The following DOCK8 variants were observed in gnomAD, a reference collection of about 807,000 sequenced individuals.
The protein encoded by DOCK8 is dedicator of cytokinesis protein 8.
Under a neutral mutation model 245.6 loss-of-function variants are expected in DOCK8, and 141 were observed. The observed-to-expected ratio is 0.57, with a 90% confidence interval of 0.50 to 0.66. The LOEUF is 0.66. DOCK8 is among the 30% of genes least tolerant of loss of function. The probability of loss-of-function intolerance (pLI) is 0.00; values close to 1 mark genes in which losing one functional copy is unlikely to be tolerated. For missense variants in DOCK8, 2,965 were observed against 2,603.4 expected, an observed-to-expected ratio of 1.14 and a Z score of -3.02; for synonymous variants, 1,168 against 970.2, an observed-to-expected ratio of 1.20 and a Z score of -3.79.
intron 4 of DOCK8, among the ~76,000 whole-genome samples, chr9:300,811 C>A (rs1221059805): frequency 6.6e-6 from 1 of 152,138 alleles, no homozygotes; most frequent in Non-Finnish European, 1.5e-5. Context: ...AAATTGAAAT[C>A]TTGAACAGAC....
intron 26 of DOCK8, among the ~76,000 whole-genome samples, chr9:403,980 A>ATATATATATGTG (rs2055291642): frequency 6.4e-5 from 5 of 78,124 alleles, no homozygotes; most frequent in South Asian, 4.0e-4. Flanking sequence ...ATATATGTGT[A>ATATATATATGTG]TATATATATA....
intron 28 of DOCK8, among the ~76,000 whole-genome samples, chr9:408,956 A>C (rs768711503): frequency 5.3e-5 from 8 of 152,054 alleles, no homozygotes; most frequent in African/African-American, 2.4e-5. Context: ...TAACAGTGTA[A>C]CTCCTTTGGC....
chr9:404,447 A>G (rs1379162327), intron 26 of DOCK8, among the ~76,000 whole-genome samples: 2 of 152,142 alleles, frequency 1.3e-5, no homozygotes, highest in African/African-American at 4.8e-5. Context: ...TGGTTCTACA[A>G]CTTTCCAATG....
At chr9:346,038 T>C (rs914867669) in intron 14 of DOCK8, among the ~76,000 whole-genome samples, 1 of 151,906 alleles carries the variant, frequency 6.6e-6, no homozygotes, top group African/African-American at 2.4e-5. Flanking sequence ...TGCAGTGCCA[T>C]GTGCAGCCTC....
intron 6 of DOCK8, among the ~76,000 whole-genome samples, chr9:313,496 A>G (rs1245252102): frequency 6.6e-6 from 1 of 152,198 alleles, no homozygotes; most frequent in Non-Finnish European, 1.5e-5. Context: ...GCAGCCTCAA[A>G]TGGTCTTCTG....
intron 1 of DOCK8, among the ~76,000 whole-genome samples, chr9:239,532 A>G (rs1459241815): frequency 6.6e-6 from 1 of 152,228 alleles, no homozygotes; most frequent in South Asian, 2.1e-4. Context: ...AGAAGAAGCA[A>G]TTGATCCTGA....
intron 1 of DOCK8, among the ~76,000 whole-genome samples, chr9:223,337 G>T (rs1049026676): frequency 1.3e-5 from 2 of 152,146 alleles, no homozygotes; most frequent in African/African-American, 4.8e-5. Context: ...CAGCCATTGA[G>T]GATTATTGTG....
intron 28 of DOCK8, among the ~76,000 whole-genome samples, chr9:413,336 C>G (rs957167931): frequency 2.0e-5 from 3 of 152,026 alleles, no homozygotes; most frequent in African/African-American, 7.2e-5. Context: ...TCATCATAGA[C>G]TTAGAAAAGG....
At chr9:275,143 A>G (rs2048292814) in intron 2 of DOCK8, among the ~76,000 whole-genome samples, 1 of 152,226 alleles carries the variant, frequency 6.6e-6, no homozygotes, top group Admixed American at 6.5e-5. Context: ...TGGCATAATA[A>G]TGCTGTCCCT....
At chr9:272,106 G>C (rs1047812516) in intron 2 of DOCK8, among the ~76,000 whole-genome samples, 6 of 152,258 alleles carry the variant, frequency 3.9e-5, no homozygotes, top group Middle Eastern at 3.4e-3. Context: ...CCAAGTTACA[G>C]ACCTCCTTTT....
rs767245399 is a variant in DOCK8 at position 463,548 on chromosome 9, C to A, written c.6100C>A (p.Leu2034Ile). The A allele has an allele frequency of 6.2e-7, 1 of 1,614,198 alleles. No homozygotes were observed. The highest frequency in any genetic ancestry group is 1.1e-5 in the South Asian group (1 of 91,086). ...TGAAGCTGTAGAGAAAAACAAGCGT[C>A]TCATCACGGCAGACCAGAGGGAATA... ...CGEAVEKNKR[L>I]ITADQREYQQ... The change falls in exon 47 of 48, where the codon CTC becomes ATC. Residue 2034 changes from leucine (L) to isoleucine (I), a missense_variant. By Grantham distance (5) the Leu-to-Ile change is conservative. This residue lies in a region of DOCK8 where 134 missense variants were observed against 128.1 expected (regional missense o/e 1.05). Coordinates refer to ENST00000432829, the MANE Select transcript of DOCK8 (RefSeq NM_203447.4).
chr9:463,956 G>C (rs2057894301), intron 47 of DOCK8, among the ~76,000 whole-genome samples: 1 of 152,130 alleles, frequency 6.6e-6, no homozygotes, highest in African/African-American at 2.4e-5. Flanking sequence ...TGGTTTTTTT[G>C]TTTGTTTGGT....
intron 1 of DOCK8, among the ~76,000 whole-genome samples, chr9:266,532 G>C (rs1005695167): frequency 2.0e-5 from 3 of 152,084 alleles, no homozygotes; most frequent in Admixed American, 6.6e-5. Flanking sequence ...ACTGGGGTAG[G>C]TCCAGGAATT....
chr9:433,699 C>T (rs2056796849), intron 37 of DOCK8, among the ~76,000 whole-genome samples, 176 bp from the exon 38 acceptor site: 1 of 152,176 alleles, frequency 6.6e-6, no homozygotes. Context: ...TCATAAACTC[C>T]TGGGCTGGCG....
chr9:326,991 C>T (rs1252559435), intron 8 of DOCK8, among the ~76,000 whole-genome samples: 1 of 152,182 alleles, frequency 6.6e-6, no homozygotes, highest in Non-Finnish European at 1.5e-5. Context: ...CTAAGAGAGC[C>T]AGGAGCACTG....
At chr9:376,535 G>C (rs2053524519) in intron 19 of DOCK8, among the ~76,000 whole-genome samples, 1 of 152,160 alleles carries the variant, frequency 6.6e-6, no homozygotes, top group Non-Finnish European at 1.5e-5. Context: ...CTGCACTGTT[G>C]GTGGAGAAAC....
At chr9:322,527 T>C (rs879655247) in intron 7 of DOCK8, among the ~76,000 whole-genome samples, 1 of 152,220 alleles carries the variant, frequency 6.6e-6, no homozygotes, top group African/African-American at 2.4e-5. Flanking sequence ...CCTGGGAACC[T>C]TGCTTTCCTG....
At chr9:439,426 A>G (rs1396144824) in intron 40 of DOCK8, 38 bp downstream of exon 40, 4 of 1,608,342 alleles carry the variant, frequency 2.5e-6, no homozygotes, top group Non-Finnish European at 3.4e-6. Context: ...CTGGCCTCCC[A>G]TACTCCAGCT....
chr9:243,632 C>T (rs1056465351), intron 1 of DOCK8, among the ~76,000 whole-genome samples: 18 of 152,078 alleles, frequency 1.2e-4, no homozygotes, highest in African/African-American at 4.1e-4. Flanking sequence ...ACCACTGCAG[C>T]GGTCCCAACT....
Sources: gnomAD v4.1 joint callset for allele counts (sites outside exome capture counted in the v4.1 genomes callset) on GRCh38, gnomAD v4.1.1 for gene constraint, gnomAD v4.1.1 regional missense constraint, MANE v1.5 for transcripts, NCBI Gene and HGNC (gene_info 2026-07-23, HGNC 2026-07-21) for gene names.